Variants in NCOA2 observed in about 807,000 individuals in gnomAD.
The protein encoded by NCOA2 is nuclear receptor coactivator 2, also known as class E basic helix-loop-helix protein 75.
NCOA2 carries 21 observed loss-of-function variants against 145.1 expected under a neutral mutation model. That is an observed-to-expected ratio of 0.14 (90% CI 0.10 to 0.21). NCOA2 has a LOEUF of 0.21. Ranked by LOEUF, NCOA2 falls within the 10% of genes least tolerant of loss-of-function variation. NCOA2 has a pLI of 1.00. For synonymous variants in NCOA2, 619 were observed against 637.5 expected, an observed-to-expected ratio of 0.97 and a Z score of 0.44; for missense variants, 1,472 against 1,837.6, an observed-to-expected ratio of 0.80 and a Z score of 3.64.
rs779963559 is a variant in NCOA2 at position 70,170,237 on chromosome 8, G to T, written c.506C>A (p.Thr169Lys). Residue 169 changes from threonine to lysine, a missense_variant, in exon 6 of 23, where the codon ACG becomes AAG. Transcript: ENST00000452400. ...TGGCAGCAGGTTTTTGACAAATTCC[G>T]TGTGGTCCCCAACATGCAAGATGCT... ...VYSILHVGDH[T>K]EFVKNLLPKS... 6.2e-7 allele frequency: 1 copy of T among 1,613,396 alleles called. No homozygotes were observed. Among genetic ancestry groups the T allele is most frequent in the Admixed American group, 1.7e-5 (1 of 59,936 alleles).
At chr8:70,188,493 A>G (rs1357377065) in intron 4 of NCOA2, among the ~76,000 whole-genome samples, 2 of 152,252 alleles carry the variant, frequency 1.3e-5, no homozygotes, top group Non-Finnish European at 2.9e-5. Context: ...TTAATAAAAT[A>G]ATGCATGTGA....
At position 70,263,660 on chromosome 8, in the gene NCOA2, C is replaced by G. The variant is rs575572939; in HGVS notation, c.-20+33084G>C. Among the ~76,000 whole-genome samples, 8 of 151,548 alleles carry G rather than the reference C, an allele frequency of 5.3e-5. 1 individual carries two copies. The South Asian group carries it at 1.7e-3, about 32-fold the overall frequency. ...AGGAGAATGGCGTGAACCCGGGAGG[C>G]GGAGCTTGCAGTGAGCCGAGATCGC... On this transcript the variant is annotated intron_variant, in intron 2 of 22. Coordinates refer to ENST00000452400, the MANE Select transcript of NCOA2 (RefSeq NM_006540.4).
chr8:70,453,820 G>C, the NCOA2 span, among the ~76,000 whole-genome samples: 4 of 152,276 alleles, frequency 2.6e-5, no homozygotes, highest in Non-Finnish European at 1.5e-5. Context: ...TCAAGTTGAA[G>C]AGAGAAATAG....
At chr8:70,382,632 T>C (rs1812308031) in intron 1 of NCOA2, among the ~76,000 whole-genome samples, 1 of 152,168 alleles carries the variant, frequency 6.6e-6, no homozygotes, top group Admixed American at 6.5e-5. Flanking sequence ...TGAATGAAAA[T>C]TATAATTTGT....
chr8:70,434,752 TAA>T, the NCOA2 span, among the ~76,000 whole-genome samples: 7 of 152,056 alleles, frequency 4.6e-5, no homozygotes, highest in African/African-American at 1.7e-4. Flanking sequence ...AAAATTTTCA[TAA>T]AGATAGGGGT....
chr8:70,436,283 T>C, the NCOA2 span, among the ~76,000 whole-genome samples: 1 of 152,202 alleles, frequency 6.6e-6, no homozygotes, highest in Non-Finnish European at 1.5e-5. Context: ...ACTGTTCAAC[T>C]AAAATTTTAA....
chr8:70,408,062 C>A (rs11776606), upstream of NCOA2, among the ~76,000 whole-genome samples: 19,106 of 152,014 alleles, frequency 0.13, 1,577 homozygotes, highest in East Asian at 0.4. Flanking sequence ...TCCCTTATTT[C>A]TCAAGCAAAA....
At chr8:70,277,247 A>G (rs993899177) in intron 2 of NCOA2, among the ~76,000 whole-genome samples, 1 of 152,226 alleles carries the variant, frequency 6.6e-6, no homozygotes, top group Non-Finnish European at 1.5e-5. Flanking sequence ...CACAAATGAC[A>G]GAAGTCACTA....
chr8:70,349,105 C>T (rs541739534), intron 1 of NCOA2, among the ~76,000 whole-genome samples: 7 of 152,056 alleles, frequency 4.6e-5, no homozygotes, highest in African/African-American at 1.4e-4. Context: ...ATTCAGTTCA[C>T]TGGAAGTTCA....
intron 2 of NCOA2, among the ~76,000 whole-genome samples, chr8:70,231,224 A>T (rs1156866075): frequency 6.6e-6 from 1 of 152,252 alleles, no homozygotes; most frequent in Non-Finnish European, 1.5e-5. Flanking sequence ...GAGTATTAAG[A>T]TGTTTTAAAA....
chr8:70,166,902 G>A (rs922057375), intron 6 of NCOA2, 148 bp from the exon 7 acceptor site: 13 of 756,470 alleles, frequency 1.7e-5, no homozygotes, highest in Non-Finnish European at 2.6e-5. Flanking sequence ...ATAATCTAGA[G>A]GAGGAAAAAT....
At chr8:70,160,686 A>AGAGAGAGGGG (rs1211356515) in intron 9 of NCOA2, among the ~76,000 whole-genome samples, 1 of 147,790 alleles carries the variant, frequency 6.8e-6, no homozygotes, top group African/African-American at 2.7e-5. Context: ...AGAGAGGGAG[A>AGAGAGAGGGG]GAGAGAGAGA....
At chr8:70,305,071 A>T in intron 1 of NCOA2, among the ~76,000 whole-genome samples, 2 of 135,442 alleles carry the variant, frequency 1.5e-5, no homozygotes, top group Non-Finnish European at 1.6e-5. Context: ...TTTTTTGTAG[A>T]GATGGGGTTT....
At chr8:70,395,867 T>C (rs544128343) in intron 1 of NCOA2, among the ~76,000 whole-genome samples, 3 of 152,316 alleles carry the variant, frequency 2.0e-5, no homozygotes, top group East Asian at 3.9e-4. Context: ...AAATGAATAA[T>C]AGAAAATACC....
chr8:70,441,136 GAAAGAAAA>G, the NCOA2 span, among the ~76,000 whole-genome samples: 1 of 142,578 alleles, frequency 7.0e-6, no homozygotes, highest in Non-Finnish European at 1.5e-5. Flanking sequence ...AAGAAAGAAA[GAAAGAAAA>G]AAGAAAGACT....
chr8:70,298,563 T>C (rs917605880), intron 1 of NCOA2, among the ~76,000 whole-genome samples: 2 of 152,196 alleles, frequency 1.3e-5, no homozygotes, highest in Non-Finnish European at 2.9e-5. Flanking sequence ...ATGTATTCAT[T>C]ATGCTGGCCT....
chr8:70,191,763 A>C (rs886395678), intron 4 of NCOA2, among the ~76,000 whole-genome samples: 1 of 152,196 alleles, frequency 6.6e-6, no homozygotes, highest in African/African-American at 2.4e-5. Flanking sequence ...TGAAAAGGCC[A>C]GGGACGGTGG....
Position 70,138,236 on chromosome 8 carries a change from G to A in NCOA2, c.3125C>T (p.Pro1042Leu). 1 of 1,613,854 alleles carries A rather than the reference G, an allele frequency of 6.2e-7. No individual in the cohort carries two copies. The highest frequency in any genetic ancestry group is 2.2e-5 in the East Asian group (1 of 44,876). The change falls in exon 15 of 23, where the codon CCT (proline) becomes CTT (leucine). Residue 1042 changes from proline (P) to leucine (L), a missense_variant. Pro to Leu is a moderately conservative substitution (Grantham distance 98, BLOSUM62 -3). Transcript: ENST00000452400. ...QTAPWPESIL[P>L]IDQASFASQN... ...GCTGGCAAAAGACGCCTGGTCTATA[G>A]GCAGGATGCTTTCAGGCCATGGGGC...
chr8:70,193,341 C>T (rs1442782862), intron 4 of NCOA2, among the ~76,000 whole-genome samples: 1 of 151,946 alleles, frequency 6.6e-6, no homozygotes, highest in Non-Finnish European at 1.5e-5. Flanking sequence ...GAACAATTAA[C>T]TTATAGTTAA....
Sources: gnomAD v4.1 joint callset for allele counts (sites outside exome capture counted in the v4.1 genomes callset) on GRCh38, gnomAD v4.1.1 for gene constraint, MANE v1.5 for transcripts, NCBI Gene and HGNC (gene_info 2026-07-23, HGNC 2026-07-21) for gene names.